SFMBT2: variants seen among roughly 807,000 people sequenced by gnomAD.
SFMBT2 encodes Scm like with four mbt domains 2.
A neutral mutation model predicts 110.1 loss-of-function variants in SFMBT2; 38 were observed. That is an observed-to-expected ratio of 0.35 (90% CI 0.27 to 0.45). The LOEUF is 0.45. SFMBT2 is among the 20% of genes least tolerant of loss of function. SFMBT2 has a pLI of 1.00. For missense variants in SFMBT2, 1,011 were observed against 1,094.9 expected (o/e 0.92, Z 1.08); for synonymous variants, 425 against 425.4 (o/e 1.00, Z 0.01).
intron 7 of SFMBT2, among the ~76,000 whole-genome samples, chr10:7,269,707 AGTGTGTGCGTGTGTGTGTGTGTGTGT>A (rs1391421312): frequency 2.7e-4 from 39 of 146,436 alleles, no homozygotes; most frequent in Non-Finnish European, 4.7e-4. Flanking sequence ...AAAGCAAGTA[AGTGTGTGCGTGTGTGTGTGTGTGTGT>A]GTGTGTGTGT....
rs751765299 is a variant in SFMBT2 at position 7,171,943 on chromosome 10, T to C, written c.2367A>G (p.Ser789=). The C allele has an allele frequency of 1.4e-6, 2 of 1,466,578 alleles. No homozygotes were observed. The highest frequency in any genetic ancestry group is 5.1e-5 in the East Asian group (2 of 39,362). The allele number at this position is 1,466,578 out of a possible 1,614,324, so 90.8% of individuals were successfully genotyped here. A position where few individuals can be genotyped will look rare whatever the true frequency, so the allele number is the denominator to read the frequency against. Residue 789 remains serine, a synonymous_variant, in exon 19 of 21, where the codon TCA becomes TCG. Coordinates refer to ENST00000397167, the MANE Select transcript of SFMBT2 (RefSeq NM_001387889.1). This position sits in a 1 kb window ranked among gnomAD's most constrained non-coding sequence, Gnocchi z 4.9. ...RRGRGAPAAS[S]AEEGEKCPPT... ...GCGGGCACTTCTCCCCTTCCTCTGC[T>C]GAGGAGGCAGCCGGCGCCCCGCGGC...
intron 4 of SFMBT2, chr10:7,348,336 A>T: frequency 6.6e-7 from 1 of 1,525,640 alleles, no homozygotes; most frequent in South Asian, 1.3e-5. Context: ...ACTCTCTACT[A>T]CAAAAAAATA....
At chr10:7,326,430 C>T (rs138510533) in intron 4 of SFMBT2, among the ~76,000 whole-genome samples, 190 of 152,316 alleles carry the variant, frequency 1.2e-3, no homozygotes, top group African/African-American at 4.3e-3. Context: ...ATAACTCCCC[C>T]GCACATTCCC....
At chr10:7,173,844 C>T (rs936367197) in intron 17 of SFMBT2, among the ~76,000 whole-genome samples, 2 of 152,176 alleles carry the variant, frequency 1.3e-5, no homozygotes, top group African/African-American at 4.8e-5. Context: ...TTTGCAGCAG[C>T]CCCGTTGCAG....
At chr10:7,406,869 CACTCTCT>C (rs1846224625) in intron 1 of SFMBT2, among the ~76,000 whole-genome samples, 1 of 152,140 alleles carries the variant, frequency 6.6e-6, no homozygotes, top group Admixed American at 6.5e-5. Context: ...AGTGGATGAC[CACTCTCT>C]ATTCCAGGAT....
chr10:7,252,889 G>A (rs991717622), intron 7 of SFMBT2, among the ~76,000 whole-genome samples: 1 of 152,094 alleles, frequency 6.6e-6, no homozygotes, highest in African/African-American at 2.4e-5. Flanking sequence ...GTGGGGGCTC[G>A]TGTCCAGAAA....
At chr10:7,195,164 G>A (rs891758725) in intron 15 of SFMBT2, among the ~76,000 whole-genome samples, 7 of 152,172 alleles carry the variant, frequency 4.6e-5, no homozygotes, top group African/African-American at 1.7e-4. Flanking sequence ...TGTGGCAGAC[G>A]GAAGAAAGTC....
chr10:7,219,171 T>C (rs2692808), intron 11 of SFMBT2, among the ~76,000 whole-genome samples: 12,582 of 152,268 alleles, frequency 0.083, 537 homozygotes, highest in South Asian at 0.15. Context: ...CCAAGAGCAG[T>C]TCACCCAACT....
intron 4 of SFMBT2, among the ~76,000 whole-genome samples, 172 bp from the exon 5 acceptor site, chr10:7,286,126 GA>G (rs1208389746): frequency 6.6e-6 from 1 of 152,220 alleles, no homozygotes; most frequent in African/African-American, 2.4e-5. Flanking sequence ...AACTGAGACT[GA>G]AAATGTGTCT....
rs539925254 is a variant in SFMBT2 at position 7,310,371 on chromosome 10, T to G, written c.437-24417A>C. Among the ~76,000 whole-genome samples the G allele has an allele frequency of 2.6e-5, 4 of 152,322 alleles. No homozygotes were observed. In the East Asian group the frequency reaches 7.7e-4, roughly 29 times the overall value. On this transcript the variant is annotated intron_variant, in intron 4 of 20. Transcript: ENST00000397167. ...GCCGATTCCAACTGCTGGGATCTCA[T>G]GCCACGGTTAGTGCACCCCGTGCCC...
intron 11 of SFMBT2, among the ~76,000 whole-genome samples, chr10:7,210,653 C>T (rs1253542521): frequency 1.3e-5 from 2 of 152,210 alleles, no homozygotes; most frequent in African/African-American, 4.8e-5. Flanking sequence ...AGGCAAAACA[C>T]CAGCAGAATG....
intron 5 of SFMBT2, 195 bp downstream of exon 5, chr10:7,285,671 G>C (rs1478889044): frequency 1.8e-6 from 1 of 552,340 alleles, no homozygotes; most frequent in African/African-American, 1.9e-5. Context: ...TGCATCACAG[G>C]GGAAGTTTCA....
intron 7 of SFMBT2, among the ~76,000 whole-genome samples, chr10:7,274,995 G>A (rs150420596): frequency 0.012 from 1,766 of 152,212 alleles, 27 homozygotes; most frequent in African/African-American, 0.039. Flanking sequence ...TCTGAACAAT[G>A]AGGACAGTGC....
intron 7 of SFMBT2, among the ~76,000 whole-genome samples, chr10:7,265,393 G>A (rs1040597128): frequency 6.6e-6 from 1 of 152,200 alleles, no homozygotes; most frequent in South Asian, 2.1e-4. Context: ...GTAGAGATGG[G>A]GTTTCACCAT....
chr10:7,335,291 G>T (rs914313112), intron 4 of SFMBT2, among the ~76,000 whole-genome samples: 86 of 152,174 alleles, frequency 5.7e-4, no homozygotes, highest in Non-Finnish European at 5.3e-4. Context: ...ATTGCAAATT[G>T]TATGTTATGT....
At chr10:7,342,396 CTTTTTT>C (rs71382101) in intron 4 of SFMBT2, among the ~76,000 whole-genome samples, 7 of 69,628 alleles carry the variant, frequency 1.0e-4, no homozygotes, top group African/African-American at 2.7e-4. Flanking sequence ...TGGAGTGAGT[CTTTTTT>C]TTTTTTTTTT....
chr10:7,338,704 C>T (rs1384858873), intron 4 of SFMBT2, among the ~76,000 whole-genome samples: 2 of 152,096 alleles, frequency 1.3e-5, no homozygotes, highest in Non-Finnish European at 2.9e-5. Context: ...AAATGACTCA[C>T]GTAGTTCAAA....
At chr10:7,216,561 T>G (rs1839549078) in intron 11 of SFMBT2, among the ~76,000 whole-genome samples, 1 of 152,200 alleles carries the variant, frequency 6.6e-6, no homozygotes. Flanking sequence ...GAAAGTGGAC[T>G]AATACAGTGG....
At chr10:7,398,560 G>A (rs1159307569) in intron 1 of SFMBT2, among the ~76,000 whole-genome samples, 4 of 152,172 alleles carry the variant, frequency 2.6e-5, no homozygotes, top group African/African-American at 9.7e-5. Context: ...CCTTAGCTAA[G>A]CAGAAGACTG....
Sources: gnomAD v4.1 joint callset for allele counts (sites outside exome capture counted in the v4.1 genomes callset) on GRCh38, gnomAD v4.1.1 for gene constraint, Gnocchi (gnomAD v3.1) non-coding constraint, MANE v1.5 for transcripts, NCBI Gene and HGNC (gene_info 2026-07-23, HGNC 2026-07-21) for gene names.